CCNY: variants seen among roughly 807,000 people sequenced by gnomAD.
CCNY encodes cyclin Y, also known as cyclin-Y.
Under a neutral mutation model 42.8 loss-of-function variants are expected in CCNY, and 19 were observed. The ratio of observed to expected loss-of-function variants is 0.44; its 90% CI spans 0.31 to 0.65. The LOEUF is 0.65. CCNY is among the 30% of genes least tolerant of loss of function. CCNY has a pLI of 0.07. For synonymous variants in CCNY, 165 were observed against 162.7 expected (o/e 1.01, Z -0.11); for missense variants, 370 against 437.3 (o/e 0.85, Z 1.37).
chr10:35,248,579 G>A (rs1161958572), intron 2 of CCNY, among the ~76,000 whole-genome samples: 1 of 152,148 alleles, frequency 6.6e-6, no homozygotes, highest in Non-Finnish European at 1.5e-5. Flanking sequence ...CTGGGAGGAG[G>A]AGGTTGCAGT....
At chr10:35,455,938 C>T (rs577635095) in intron 1 of CCNY, among the ~76,000 whole-genome samples, 1 of 151,640 alleles carries the variant, frequency 6.6e-6, no homozygotes, top group African/African-American at 2.4e-5. Context: ...CCCACCTTAG[C>T]ATCCCAAAGT....
chr10:35,422,044 C>T (rs1479760452), intron 1 of CCNY, among the ~76,000 whole-genome samples: 2 of 152,146 alleles, frequency 1.3e-5, no homozygotes, highest in Non-Finnish European at 2.9e-5. Flanking sequence ...AAAGCTGGCT[C>T]CTGAGCCTGC....
intron 1 of CCNY, among the ~76,000 whole-genome samples, chr10:35,407,714 A>G (rs1262568108): frequency 2.0e-5 from 3 of 152,020 alleles, no homozygotes; most frequent in East Asian, 3.9e-4. Context: ...AAGGGAGAAG[A>G]AGGAGGAGTG....
chr10:35,363,038 C>G (rs111960463), intron 1 of CCNY, among the ~76,000 whole-genome samples: 1 of 139,714 alleles, frequency 7.2e-6, no homozygotes, highest in East Asian at 2.3e-4. Context: ...CGCCGGCGGC[C>G]GGGCGGAGAC....
chr10:35,264,186 G>C (rs1394343780), intron 3 of CCNY, among the ~76,000 whole-genome samples: 1 of 151,888 alleles, frequency 6.6e-6, no homozygotes, highest in East Asian at 1.9e-4. Flanking sequence ...TATTCCTTTG[G>C]GTATATACCC....
intron 5 of CCNY, among the ~76,000 whole-genome samples, chr10:35,528,535 C>T (rs1030930840): frequency 6.6e-6 from 1 of 152,156 alleles, no homozygotes; most frequent in Non-Finnish European, 1.5e-5. Context: ...AACTCCGTCT[C>T]TACTAAAAAT....
chr10:35,382,332 G>A (rs1363819220), intron 1 of CCNY, among the ~76,000 whole-genome samples: 1 of 152,188 alleles, frequency 6.6e-6, no homozygotes, highest in Non-Finnish European at 1.5e-5. Context: ...CTGTGTGTGC[G>A]ACAGAGGCAA....
intron 3 of CCNY, among the ~76,000 whole-genome samples, chr10:35,280,444 AAGGAAGGAAGGAAAGAAGGG>A (rs1337590147): frequency 6.7e-6 from 1 of 149,142 alleles, no homozygotes; most frequent in East Asian, 2.0e-4. Flanking sequence ...GGAAGGAAAG[AAGGAAGGAAGGAAAGAAGGG>A]AGGAAGGAAG....
intron 8 of CCNY, among the ~76,000 whole-genome samples, chr10:35,560,684 G>A (rs1387073849): frequency 6.6e-6 from 1 of 152,222 alleles, no homozygotes; most frequent in Non-Finnish European, 1.5e-5. Flanking sequence ...CTACATTCTA[G>A]GAGCTGCTGG....
At chr10:35,437,330 G>A (rs1243609489) in intron 1 of CCNY, among the ~76,000 whole-genome samples, 2 of 152,112 alleles carry the variant, frequency 1.3e-5, no homozygotes, top group Non-Finnish European at 2.9e-5. Context: ...TTTTCCCTAG[G>A]TGTGGCCTTA....
intron 3 of CCNY, among the ~76,000 whole-genome samples, chr10:35,291,285 G>A (rs533930784): frequency 6.6e-6 from 1 of 152,202 alleles, no homozygotes; most frequent in Admixed American, 6.5e-5. Flanking sequence ...GGGATTACAG[G>A]TGTGAGTCAT....
intron 1 of CCNY, among the ~76,000 whole-genome samples, chr10:35,364,505 G>A (rs1188193310): frequency 6.6e-6 from 1 of 152,218 alleles, no homozygotes; most frequent in Non-Finnish European, 1.5e-5. Context: ...TTTAAAAATA[G>A]TGTTGTGGTG....
intron 3 of CCNY, among the ~76,000 whole-genome samples, chr10:35,270,961 G>A (rs913632364): frequency 2.0e-5 from 3 of 151,946 alleles, no homozygotes; most frequent in Admixed American, 6.6e-5. Flanking sequence ...TCCTGACCTC[G>A]TGATCCGCCC....
At chr10:35,307,144 C>A (rs949316155) in intron 3 of CCNY, among the ~76,000 whole-genome samples, 3 of 152,202 alleles carry the variant, frequency 2.0e-5, no homozygotes, top group African/African-American at 7.2e-5. Flanking sequence ...TGATTCATAA[C>A]TCAGGGATGA....
intron 1 of CCNY, among the ~76,000 whole-genome samples, chr10:35,444,861 A>T (rs952165990): frequency 2.0e-5 from 3 of 152,190 alleles, no homozygotes; most frequent in African/African-American, 7.2e-5. Context: ...AGGATATTGA[A>T]TAGTCCGGGC....
intron 4 of CCNY, among the ~76,000 whole-genome samples, chr10:35,525,536 T>C (rs577278301): frequency 6.6e-5 from 10 of 152,346 alleles, no homozygotes; most frequent in African/African-American, 2.2e-4. Context: ...AGCAGACTTC[T>C]TGGGTGATAT....
chr10:35,529,892 T>G, intron 5 of CCNY, 81 bp from the exon 6 acceptor site: 1 of 1,344,090 alleles, frequency 7.4e-7, no homozygotes, highest in Non-Finnish European at 1.0e-6. Context: ...AAAAAGTCAT[T>G]GAATTAAAAT....
chr10:35,408,482 G>T (rs939901683), intron 1 of CCNY, among the ~76,000 whole-genome samples: 14 of 151,034 alleles, frequency 9.3e-5, no homozygotes, highest in African/African-American at 3.2e-4. Context: ...GGGGCAGGGG[G>T]TGGATCTCGC....
Position 35,385,328 on chromosome 10 carries a change from C to G in CCNY, c.154+48121C>G, listed in dbSNP as rs540323035. ...ATGCGAGTGGTCTCCCTCCCTCCCT[C>G]ACCGTTTGCCAGCAATAAAGGATTA... is the stretch of plus-strand genomic sequence containing the variant. On this transcript the variant is annotated intron_variant, in intron 1 of 9. Transcript: ENST00000374704. Among the ~76,000 whole-genome samples, 3 of 152,316 alleles carry G rather than the reference C, an allele frequency of 2.0e-5. No homozygotes were observed. The South Asian group carries it at 6.2e-4, about 32-fold the overall frequency.
Sources: gnomAD v4.1 joint callset for allele counts (sites outside exome capture counted in the v4.1 genomes callset) on GRCh38, gnomAD v4.1.1 for gene constraint, MANE v1.5 for transcripts, NCBI Gene and HGNC (gene_info 2026-07-23, HGNC 2026-07-21) for gene names.